Variants in INTS10 observed in about 807,000 individuals in gnomAD.
The protein encoded by INTS10 is chromosome 8 open reading frame 35.
Under a neutral mutation model 94.4 loss-of-function variants are expected in INTS10, and 44 were observed. The observed-to-expected ratio is 0.47, with a 90% CI of 0.37 to 0.60. The LOEUF (loss-of-function observed/expected upper bound fraction) is 0.60, where lower values mean the gene tolerates loss of function less well. Ranked by LOEUF, INTS10 falls within the 20% of genes least tolerant of loss-of-function variation. The probability of loss-of-function intolerance (pLI) is 0.00; values close to 1 mark genes in which losing one functional copy is unlikely to be tolerated. For synonymous variants in INTS10, 341 were observed against 320.7 expected, an observed-to-expected ratio of 1.06 and a Z score of -0.68; for missense variants, 797 against 868.7, an observed-to-expected ratio of 0.92 and a Z score of 1.04.
intron 16 of INTS10, among the ~76,000 whole-genome samples, chr8:19,847,643 G>C (rs983272445): frequency 6.6e-6 from 1 of 152,190 alleles, no homozygotes; most frequent in Non-Finnish European, 1.5e-5. Context: ...TGTTAGTGCA[G>C]GTGTGAGAGA....
At chr8:19,837,441 T>A in intron 13 of INTS10, 1 of 269,300 alleles carries the variant, frequency 3.7e-6, no homozygotes, top group Non-Finnish European at 7.0e-6. Flanking sequence ...AAAAAGTTAA[T>A]CCCTTTCCAA....
At chr8:19,834,823 C>A (rs986825492) in intron 12 of INTS10, among the ~76,000 whole-genome samples, 2 of 152,076 alleles carry the variant, frequency 1.3e-5, no homozygotes, top group Admixed American at 6.6e-5. Flanking sequence ...GGAATTCATT[C>A]CTCACAGTTC....
Position 19,846,101 on chromosome 8 carries a change from G to C in INTS10, c.1976+304G>C, listed in dbSNP as rs2068559481. ...TTATAGGGTGAGTCTATAAGTTTCT[G>C]ATTAGTCACAGAGTGCCTTTAATTA... On this transcript the variant is annotated intron_variant, in intron 16 of 16. Transcript: ENST00000397977. This position sits in a 1 kb window ranked among gnomAD's most constrained non-coding sequence, Gnocchi z 4.2. 6.6e-6 allele frequency among the ~76,000 whole-genome samples: 1 copy of C among 151,976 alleles called. No individual in the cohort carries two copies. Among genetic ancestry groups the C allele is most frequent in the East Asian group, 1.9e-4 (1 of 5,172 alleles).
Position 19,843,072 on chromosome 8 carries a change from T to C in INTS10, c.1719+145T>C. The C allele has an allele frequency of 3.3e-6, 2 of 613,368 alleles. No homozygotes were observed. Among genetic ancestry groups the C allele is most frequent in the South Asian group, 2.0e-5 (1 of 49,542 alleles). The allele number at this position is 613,368 out of a possible 1,614,324, so 38.0% of individuals were successfully genotyped here. On this transcript the variant is annotated intron_variant, in intron 14 of 16. Transcript: ENST00000397977. This position sits in a 1 kb window ranked among gnomAD's most constrained non-coding sequence, Gnocchi z 4.7. ...ACAGTTAGAAAAGCACATGGGCTAC[T>C]AATTAACAAATCTATATTAAATAAT...
chr8:19,824,853 A>G lies in INTS10; in HGVS notation c.887A>G (p.Asn296Ser). ...HRMKDLCRYM[N>S]NFDSEAHAKY... is the part of the protein sequence containing the mutation. ...ATGAAGGATCTCTGCAGATACATGA[A>G]CAACTTTGATAGTGAAGCACATGCA... Residue 296 changes from asparagine (N) to serine (S), a missense_variant, in exon 8 of 17, where the codon AAC (asparagine) becomes AGC (serine). Physicochemically the swap from Asn to Ser is conservative, Grantham distance 46. Coordinates refer to ENST00000397977, the MANE Select transcript of INTS10 (RefSeq NM_018142.4). The G allele has an allele frequency of 6.2e-7, 1 of 1,613,070 alleles. No homozygotes were observed. The highest frequency in any genetic ancestry group is 8.5e-7 in the Non-Finnish European group (1 of 1,179,084).
chr8:19,825,076 G>A (rs972479338), intron 8 of INTS10, 104 bp downstream of exon 8: 73 of 984,616 alleles, frequency 7.4e-5, no homozygotes, highest in Non-Finnish European at 1.1e-4. Context: ...GAATAACTGT[G>A]GGGCAGTACC....
chr8:19,848,069 A>G (rs370847126), intron 16 of INTS10, among the ~76,000 whole-genome samples: 1 of 152,250 alleles, frequency 6.6e-6, no homozygotes, highest in African/African-American at 2.4e-5. Flanking sequence ...TTAATTACTT[A>G]TGCCTAAATT....
rs139161048 is a variant in INTS10 at position 19,825,230 on chromosome 8, T to G, written c.1006+258T>G. Among the ~76,000 whole-genome samples the G allele has an allele frequency of 1.7e-4, 26 of 152,266 alleles. 2 individuals carry two copies. The highest frequency in any genetic ancestry group is 6.0e-4 in the African/African-American group (25 of 41,574). ...AAAAGAGATATCAAATGCCACTATT[T>G]TGAAAATAACAGCAGGCTGGGCGCT... On this transcript the variant is annotated intron_variant, in intron 8 of 16. Transcript: ENST00000397977.
intron 12 of INTS10, among the ~76,000 whole-genome samples, chr8:19,833,648 G>A (rs1365993474): frequency 6.6e-6 from 1 of 151,966 alleles, no homozygotes; most frequent in Non-Finnish European, 1.5e-5. Context: ...GAAACACAAG[G>A]CCATTATTAA....
At chr8:19,832,853 A>C (rs936339423) in intron 11 of INTS10, among the ~76,000 whole-genome samples, 2 of 152,158 alleles carry the variant, frequency 1.3e-5, no homozygotes, top group Non-Finnish European at 2.9e-5. Flanking sequence ...CTTGTAGTAA[A>C]ATATTTCTAA....
intron 8 of INTS10, among the ~76,000 whole-genome samples, chr8:19,826,114 C>CTGTCGCCCAGGCTGGAGTGCAG (rs1332331185): frequency 1.8e-4 from 28 of 152,272 alleles, no homozygotes; most frequent in African/African-American, 6.3e-4. Flanking sequence ...AAGTCTCGCT[C>CTGTCGCCCAGGCTGGAGTGCAG]TGTCGCCCAG....
At chr8:19,841,227 T>C (rs1163557761) in intron 13 of INTS10, among the ~76,000 whole-genome samples, 1 of 152,144 alleles carries the variant, frequency 6.6e-6, no homozygotes, top group Non-Finnish European at 1.5e-5. Flanking sequence ...TACATAGACA[T>C]CCTTTAAATT....
At chr8:19,850,793 G>A (rs925888344) in intron 16 of INTS10, among the ~76,000 whole-genome samples, 5 of 152,004 alleles carry the variant, frequency 3.3e-5, no homozygotes, top group African/African-American at 1.2e-4. Context: ...TTTTCTTTTC[G>A]TTTCTTCATT....
rs557227294 is a variant in INTS10 at position 19,819,467 on chromosome 8, A to G, written c.198-106A>G. The G allele has an allele frequency of 5.4e-6, 4 of 734,618 alleles. No homozygotes were observed. The East Asian group carries it at 1.1e-4, about 21-fold the overall frequency. The allele number at this position is 734,618 out of a possible 1,614,324, so 45.5% of individuals were successfully genotyped here. ...TTGGTTTGTTTTGGCACGTCTAAGC[A>G]TTCACTTGGAATAAAGGAAACTTTT... On this transcript the variant is annotated intron_variant, in intron 2 of 16. Coordinates refer to ENST00000397977, the MANE Select transcript of INTS10 (RefSeq NM_018142.4).
chr8:19,843,225 G>A lies in INTS10; in HGVS notation c.1719+298G>A, dbSNP rs896700380. ...ATATTTTATCAATATAAATATATTA[G>A]CTACAAAGAAAGGGAATACAAATTG... On this transcript the variant is annotated intron_variant, in intron 14 of 16. Coordinates refer to ENST00000397977, the MANE Select transcript of INTS10 (RefSeq NM_018142.4). The surrounding 1 kb of genome is among the most constrained non-coding windows in gnomAD (Gnocchi z 4.7). Among the ~76,000 whole-genome samples the A allele has an allele frequency of 2.6e-5, 4 of 152,208 alleles. No individual in the cohort carries two copies. The highest frequency in any genetic ancestry group is 9.7e-5 in the African/African-American group (4 of 41,438).
chr8:19,828,064 C>G (rs75132176), intron 9 of INTS10, among the ~76,000 whole-genome samples: 1 of 151,262 alleles, frequency 6.6e-6, no homozygotes, highest in African/African-American at 2.4e-5. Flanking sequence ...AAAAAAAAAA[C>G]TAGCTGGCTG....
chr8:19,840,022 C>A (rs1266843731), intron 13 of INTS10, among the ~76,000 whole-genome samples: 3 of 140,620 alleles, frequency 2.1e-5, no homozygotes, highest in African/African-American at 5.4e-5. Flanking sequence ...AAGATTGCAC[C>A]ACTGCACTCC....
At chr8:19,832,832 G>A (rs940375639) in intron 11 of INTS10, among the ~76,000 whole-genome samples, 1 of 152,168 alleles carries the variant, frequency 6.6e-6, no homozygotes, top group African/African-American at 2.4e-5. Context: ...CTTCATAAAG[G>A]AGAAGTGGTG....
Position 19,846,250 on chromosome 8 carries a change from C to T in INTS10, c.1976+453C>T, listed in dbSNP as rs993536980. ...CAGCCTGGCCAACATGGTGAAACCC[C>T]GTCTCTACTAAAAATACAAAAAAAA... On this transcript the variant is annotated intron_variant, in intron 16 of 16. Transcript: ENST00000397977. The surrounding 1 kb of genome is among the most constrained non-coding windows in gnomAD (Gnocchi z 4.2). 2.7e-5 allele frequency among the ~76,000 whole-genome samples: 4 copies of T among 150,046 alleles called. No homozygotes were observed. The highest frequency in any genetic ancestry group is 2.1e-4 in the South Asian group (1 of 4,734).
Sources: allele counts gnomAD v4.1 joint callset (sites outside exome capture counted in the v4.1 genomes callset), GRCh38; gene constraint gnomAD v4.1.1; non-coding constraint Gnocchi (gnomAD v3.1); transcripts MANE v1.5; gene names NCBI Gene and HGNC (gene_info 2026-07-23, HGNC 2026-07-21).